The following CASC3 variants were observed in gnomAD, a reference collection of about 807,000 sequenced individuals.
The protein encoded by CASC3 is protein CASC3.
Under a neutral mutation model 80.5 loss-of-function variants are expected in CASC3, and 30 were observed. The ratio of observed to expected loss-of-function variants is 0.37; its 90% CI spans 0.28 to 0.51. The LOEUF is 0.51. Ranked by LOEUF, CASC3 falls within the 20% of genes least tolerant of loss-of-function variation. The pLI is 0.94. For synonymous variants in CASC3, 312 were observed against 333.6 expected (o/e 0.94, Z 0.70); for missense variants, 824 against 922.2 (o/e 0.89, Z 1.38).
intron 3 of CASC3, among the ~76,000 whole-genome samples, chr17:40,142,487 A>C (rs1405495719): frequency 6.6e-6 from 1 of 152,230 alleles, no homozygotes; most frequent in Non-Finnish European, 1.5e-5. Context: ...GAAAGCCCAC[A>C]GGGGCCGGGA....
chr17:40,148,138 T>C (rs572253398), intron 3 of CASC3, among the ~76,000 whole-genome samples: 1 of 152,272 alleles, frequency 6.6e-6, no homozygotes, highest in East Asian at 1.9e-4. Context: ...TTTTTCTAAC[T>C]TCACAGAGCT....
intron 7 of CASC3, 76 bp from the exon 8 acceptor site, chr17:40,166,721 C>G (rs1036099030): frequency 1.1e-6 from 1 of 948,796 alleles, no homozygotes; most frequent in Admixed American, 3.3e-5. Context: ...ACACTTAAAC[C>G]TGTCTCTTGA....
At chr17:40,149,455 AG>A (rs1174585692) in intron 3 of CASC3, among the ~76,000 whole-genome samples, 2 of 152,064 alleles carry the variant, frequency 1.3e-5, no homozygotes, top group African/African-American at 4.8e-5. Flanking sequence ...AAGGCTGAAG[AG>A]ATGGTAGTTG....
chr17:40,140,926 C>A, intron 1 of CASC3, 147 bp downstream of exon 1: 3 of 679,592 alleles, frequency 4.4e-6, no homozygotes, highest in Non-Finnish European at 7.2e-6. Flanking sequence ...TATCCCAATG[C>A]GAGTTTGCAT....
At chr17:40,161,040 C>T (rs770201545) in intron 3 of CASC3, among the ~76,000 whole-genome samples, 4 of 151,786 alleles carry the variant, frequency 2.6e-5, no homozygotes, top group South Asian at 2.1e-4. Context: ...AGTGCAGTGG[C>T]GCAGTCTCTG....
Position 40,163,748 on chromosome 17 carries a change from A to G in CASC3, c.1053A>G (p.Ser351=), listed in dbSNP as rs1198681899. ...ETVKHEISYR[S]RRLEQTSVRD... ...TTAAGCATGAGATTAGTTACCGGTCACGGCGCCTAGAGCAGACTTCTGTGA... is the reference window on the plus strand; with the variant it reads ...TTAAGCATGAGATTAGTTACCGGTCGCGGCGCCTAGAGCAGACTTCTGTGA... The change falls in exon 7 of 14, where the codon TCA becomes TCG. Residue 351 remains serine, a synonymous_variant. Coordinates refer to ENST00000264645, the MANE Select transcript of CASC3 (RefSeq NM_007359.5). 2 of 1,614,172 alleles carry G rather than the reference A, an allele frequency of 1.2e-6. No homozygotes were observed.
intron 3 of CASC3, among the ~76,000 whole-genome samples, chr17:40,143,611 A>G (rs1361802617): frequency 6.6e-6 from 1 of 150,520 alleles, no homozygotes; most frequent in Non-Finnish European, 1.5e-5. Context: ...GTGGGTGGAT[A>G]ACAAGGTCAA....
At chr17:40,156,734 A>G (rs980332230) in intron 3 of CASC3, among the ~76,000 whole-genome samples, 1 of 152,078 alleles carries the variant, frequency 6.6e-6, no homozygotes, top group African/African-American at 2.4e-5. Flanking sequence ...TTTGGACAAC[A>G]TGGGAGTTAA....
At chr17:40,146,685 G>A (rs1415350656) in intron 3 of CASC3, among the ~76,000 whole-genome samples, 2 of 151,196 alleles carry the variant, frequency 1.3e-5, no homozygotes, top group Non-Finnish European at 3.0e-5. Context: ...TGATCCGCCT[G>A]CCTCGGCCTC....
rs191913876 is a variant in CASC3 at position 40,144,775 on chromosome 17, C to T, written c.297+3168C>T. Among the ~76,000 whole-genome samples the T allele has an allele frequency of 1.9e-3, 277 of 144,358 alleles. 2 individuals carry two copies. The highest frequency in any genetic ancestry group is 3.2e-3 in the Non-Finnish European group (210 of 66,356). 94.7% of individuals were successfully genotyped at this position (144,358 alleles called of 152,430 possible). ...CACTGCAACCTCAAACTGCTGGGTT[C>T]AACCAGTCCTCCTGCCTTGACCTCC... is the stretch of plus-strand genomic sequence containing the variant. On this transcript the variant is annotated intron_variant, in intron 3 of 13. Transcript: ENST00000264645.
At position 40,162,713 on chromosome 17, in the gene CASC3, C is replaced by A. The variant is rs201694799; in HGVS notation, c.609-12C>A. ...CTGCTGACCCAAGACACTTTTCCTTCATTTTATCCAGACCCAAGGGGCGTC... is the reference window on the plus strand; with the variant it reads ...CTGCTGACCCAAGACACTTTTCCTTAATTTTATCCAGACCCAAGGGGCGTC... On this transcript the variant is annotated splice_polypyrimidine_tract_variant and intron_variant, in intron 5 of 13. Coordinates refer to ENST00000264645, the MANE Select transcript of CASC3 (RefSeq NM_007359.5). The A allele has an allele frequency of 5.0e-6, 8 of 1,612,004 alleles. No individual in the cohort carries two copies. Among genetic ancestry groups the A allele is most frequent in the Non-Finnish European group, 6.8e-6 (8 of 1,179,326 alleles).
At chr17:40,147,460 A>G (rs1397107938) in intron 3 of CASC3, among the ~76,000 whole-genome samples, 1 of 151,910 alleles carries the variant, frequency 6.6e-6, no homozygotes, top group Admixed American at 6.6e-5. Flanking sequence ...GCAACATGGA[A>G]AAATCCTGTC....
At position 40,155,889 on chromosome 17, in the gene CASC3, G is replaced by T. The variant is rs540909796; in HGVS notation, c.298-5864G>T. On this transcript the variant is annotated intron_variant, in intron 3 of 13. Coordinates refer to ENST00000264645, the MANE Select transcript of CASC3 (RefSeq NM_007359.5). ...TGTGGTAGCACCTTGGCTTCAGTTA[G>T]ACTAAGCTTTGACTAATTTGGAGCC... 9.8e-5 allele frequency among the ~76,000 whole-genome samples: 15 copies of T among 152,294 alleles called. 1 individual carries two copies. In the South Asian group the frequency reaches 3.1e-3, roughly 32 times the overall value.
rs79927313 is a variant in CASC3 at position 40,169,236 on chromosome 17, C to A, written c.1966-88C>A. ...TTTTAAAATTATAAATTCCCCAATT[C>A]TCTTATGGCTGAATAATATTTCCTG... is the stretch of plus-strand genomic sequence containing the variant. On this transcript the variant is annotated intron_variant, in intron 11 of 13. Coordinates refer to ENST00000264645, the MANE Select transcript of CASC3 (RefSeq NM_007359.5). 6.9e-6 allele frequency: 9 copies of A among 1,299,590 alleles called. No homozygotes were observed. The African/African-American group carries it at 7.6e-5, about 11-fold the overall frequency. The allele number at this position is 1,299,590 out of a possible 1,614,324, so 80.5% of individuals were successfully genotyped here. A position where few individuals can be genotyped will look rare whatever the true frequency, so the allele number is the denominator to read the frequency against.
intron 3 of CASC3, among the ~76,000 whole-genome samples, chr17:40,144,570 C>G (rs181493431): frequency 6.6e-6 from 1 of 151,000 alleles, no homozygotes; most frequent in Non-Finnish European, 1.5e-5. Flanking sequence ...GTCATGAACT[C>G]GTGAACTCAG....
chr17:40,169,490 T>C (rs778344593), intron 12 of CASC3, 44 bp downstream of exon 12: 1 of 1,581,850 alleles, frequency 6.3e-7, no homozygotes, highest in Admixed American at 1.9e-5. Context: ...GCTCCGTCAG[T>C]GGGCTTTCCT....
intron 3 of CASC3, among the ~76,000 whole-genome samples, chr17:40,158,617 C>T (rs1282071448): frequency 2.6e-5 from 4 of 152,094 alleles, no homozygotes; most frequent in Non-Finnish European, 4.4e-5. Context: ...TTTCTAATGG[C>T]CTAATGATCC....
At chr17:40,142,264 C>T (rs1438043760) in intron 3 of CASC3, among the ~76,000 whole-genome samples, 1 of 152,152 alleles carries the variant, frequency 6.6e-6, no homozygotes, top group Non-Finnish European at 1.5e-5. Context: ...ATAGTGAACA[C>T]TATAACAAAA....
chr17:40,168,549 C>G, intron 11 of CASC3, 132 bp downstream of exon 11: 3 of 774,114 alleles, frequency 3.9e-6, no homozygotes, highest in Non-Finnish European at 6.3e-6. Flanking sequence ...GACACCAAGA[C>G]GCCTCTTAGT....
Sources: allele counts gnomAD v4.1 joint callset (sites outside exome capture counted in the v4.1 genomes callset), GRCh38; gene constraint gnomAD v4.1.1; transcripts MANE v1.5; gene names NCBI Gene and HGNC (gene_info 2026-07-23, HGNC 2026-07-21).